Variants in ZNF638 observed in about 807,000 individuals in gnomAD.
ZNF638 encodes the protein zinc finger protein 638, also known as CTCL tumor antigen se33-1.
Under a neutral mutation model 195.6 loss-of-function variants are expected in ZNF638, and 46 were observed. The ratio of observed to expected loss-of-function variants is 0.24; its 90% CI spans 0.19 to 0.30. ZNF638 has a LOEUF of 0.30. Among genes scored for constraint, ZNF638 ranks in the 10% least tolerant of loss-of-function variants. The pLI, the probability that ZNF638 is intolerant of heterozygous loss-of-function variation, is 1.00. For missense variants in ZNF638, 2,440 were observed against 2,325.3 expected, an observed-to-expected ratio of 1.05 and a Z score of -1.01; for synonymous variants, 845 against 772.0, an observed-to-expected ratio of 1.09 and a Z score of -1.57.
intron 8 of ZNF638, chr2:71,376,124 C>G (rs1300909230): frequency 6.6e-6 from 1 of 152,138 alleles, no homozygotes; most frequent in Admixed American, 6.5e-5. Context: ...AGTGTAAGTC[C>G]AAGAGCCCAG....
At chr2:71,425,273 A>G (rs2080515864) in intron 23 of ZNF638, among the ~76,000 whole-genome samples, 1 of 152,108 alleles carries the variant, frequency 6.6e-6, no homozygotes, top group South Asian at 2.1e-4. Flanking sequence ...ATTTGGGCCT[A>G]TGTTGTTGGG....
At position 71,348,939 on chromosome 2, in the gene ZNF638, T is replaced by C. The variant is rs754774700; in HGVS notation, c.-16T>C. ...CACCTTATACTTTATTAAATCAGGCTTTCTTGAAAATAGCCATGTCGAGAC... is the reference window on the plus strand; with the variant it reads ...CACCTTATACTTTATTAAATCAGGCCTTCTTGAAAATAGCCATGTCGAGAC... On this transcript the variant is annotated 5_prime_UTR_variant, in exon 2 of 28. Transcript: ENST00000264447. 6.2e-7 allele frequency: 1 copy of C among 1,614,154 alleles called. No homozygotes were observed. Among genetic ancestry groups the C allele is most frequent in the South Asian group, 1.1e-5 (1 of 91,086 alleles).
At chr2:71,386,325 A>T (rs528284123) in intron 10 of ZNF638, among the ~76,000 whole-genome samples, 65 of 150,588 alleles carry the variant, frequency 4.3e-4, no homozygotes, top group African/African-American at 1.6e-3. Flanking sequence ...AAAGTTTCTT[A>T]AATTTATGAT....
At chr2:71,372,624 G>A (rs1255029581) in intron 8 of ZNF638, among the ~76,000 whole-genome samples, 3 of 152,172 alleles carry the variant, frequency 2.0e-5, no homozygotes, top group Admixed American at 6.5e-5. Context: ...TTGATATTTG[G>A]TTCTTGTGAT....
chr2:71,348,848 T>C lies in ZNF638; in HGVS notation c.-107T>C, dbSNP rs2104171474. 6.2e-7 allele frequency: 1 copy of C among 1,610,122 alleles called. No individual in the cohort carries two copies. Among genetic ancestry groups the C allele is most frequent in the Middle Eastern group, 1.7e-4 (1 of 6,060 alleles). Reference sequence around the variant, plus strand: ...CTGTTGGGCCCATCTCCTTTGCACTTTGCTCAGATTAAGACTCAGTTGGCG... The same window carrying C: ...CTGTTGGGCCCATCTCCTTTGCACTCTGCTCAGATTAAGACTCAGTTGGCG... On this transcript the variant is annotated 5_prime_UTR_variant, in exon 2 of 28. Transcript: ENST00000264447.
chr2:71,368,626 A>G (rs758104886), intron 7 of ZNF638, 98 bp downstream of exon 7: 11 of 1,266,140 alleles, frequency 8.7e-6, no homozygotes, highest in African/African-American at 1.5e-5. Context: ...TACTGCATAT[A>G]TAATTGTTCT....
At chr2:71,428,496 G>A (rs888618301) in intron 24 of ZNF638, 51 bp from the exon 25 acceptor site, 11 of 1,488,384 alleles carry the variant, frequency 7.4e-6, no homozygotes, top group Non-Finnish European at 1.0e-5. Context: ...TTAATTTAAA[G>A]CAATTTAAAT....
At chr2:71,430,447 G>C (rs2080634381) in intron 25 of ZNF638, among the ~76,000 whole-genome samples, 1 of 152,142 alleles carries the variant, frequency 6.6e-6, no homozygotes, top group Admixed American at 6.5e-5. Context: ...AATGATTTCA[G>C]AGTTCCTTGC....
chr2:71,426,148 A>C (rs189866978), intron 23 of ZNF638, among the ~76,000 whole-genome samples: 1 of 152,180 alleles, frequency 6.6e-6, no homozygotes, highest in East Asian at 1.9e-4. Flanking sequence ...CTGTCTGACA[A>C]ATACTTTAAA....
At chr2:71,361,333 G>A (rs1403996808) in intron 3 of ZNF638, among the ~76,000 whole-genome samples, 2 of 152,306 alleles carry the variant, frequency 1.3e-5, no homozygotes, top group East Asian at 3.9e-4. Context: ...TAATAACTTT[G>A]ATGTGTTGTT....
At chr2:71,405,105 G>A (rs184616139) in intron 17 of ZNF638, among the ~76,000 whole-genome samples, 138 of 152,218 alleles carry the variant, frequency 9.1e-4, no homozygotes, top group African/African-American at 3.2e-3. Flanking sequence ...TTCCTTTGCC[G>A]CACACAAAGC....
chr2:71,350,079 A>G lies in ZNF638; in HGVS notation c.1125A>G (p.Ser375=), dbSNP rs1472925203. The change falls in exon 2 of 28, where the codon TCA becomes TCG. Residue 375 remains serine (S), a synonymous_variant. Transcript: ENST00000264447. ...GSRGSKKNYQ[S]QADIPIRSPF... ...GAGGAAGTAAAAAGAATTACCAGTC[A>G]CAGGCTGACATTCCCATTCGGTCTC... is the stretch of plus-strand genomic sequence containing the variant. 2 of 1,614,080 alleles carry G rather than the reference A, an allele frequency of 1.2e-6. No individual in the cohort carries two copies. The highest frequency in any genetic ancestry group is 2.7e-5 in the African/African-American group (2 of 74,950).
intron 1 of ZNF638, among the ~76,000 whole-genome samples, chr2:71,347,086 G>A (rs1457897899): frequency 3.3e-5 from 5 of 152,292 alleles, no homozygotes; most frequent in Non-Finnish European, 7.4e-5. Flanking sequence ...GTAGTCAAGG[G>A]AGGTTGAATG....
At chr2:71,332,264 A>G (rs2078584716) in intron 1 of ZNF638, among the ~76,000 whole-genome samples, 1 of 152,234 alleles carries the variant, frequency 6.6e-6, no homozygotes, top group African/African-American at 2.4e-5. Flanking sequence ...GCTGGGCCTG[A>G]CAGCCGAGGA....
At chr2:71,390,469 G>T (rs927213671) in intron 10 of ZNF638, among the ~76,000 whole-genome samples, 2 of 152,200 alleles carry the variant, frequency 1.3e-5, no homozygotes, top group Non-Finnish European at 2.9e-5. Flanking sequence ...GCTCACCAGG[G>T]TAATTGATAG....
chr2:71,364,275 GT>G (rs2079158470), intron 5 of ZNF638, 23 bp downstream of exon 5: 1 of 1,579,452 alleles, frequency 6.3e-7, no homozygotes, highest in African/African-American at 1.4e-5. Flanking sequence ...CCATGAAATA[GT>G]GAATGTACTT....
chr2:71,387,041 A>G (rs963284735), intron 10 of ZNF638, among the ~76,000 whole-genome samples: 3 of 152,072 alleles, frequency 2.0e-5, no homozygotes, highest in Non-Finnish European at 4.4e-5. Flanking sequence ...TACACTAAGT[A>G]TAAAGAATAA....
chr2:71,358,321 A>G (rs1007615085), intron 3 of ZNF638, among the ~76,000 whole-genome samples: 1 of 152,188 alleles, frequency 6.6e-6, no homozygotes, highest in Non-Finnish European at 1.5e-5. Context: ...GGATTGGAAC[A>G]TATATATGTA....
intron 21 of ZNF638, among the ~76,000 whole-genome samples, chr2:71,419,244 T>A (rs1338517526): frequency 6.6e-6 from 1 of 152,208 alleles, no homozygotes; most frequent in South Asian, 2.1e-4. Context: ...ATCCTCCTTA[T>A]CACCACCCTT....
Sources: allele counts gnomAD v4.1 joint callset (sites outside exome capture counted in the v4.1 genomes callset), GRCh38; gene constraint gnomAD v4.1.1; transcripts MANE v1.5; gene names NCBI Gene and HGNC (gene_info 2026-07-23, HGNC 2026-07-21).